ATG7: variants seen among roughly 807,000 people sequenced by gnomAD.
ATG7 encodes autophagy related 7, also known as ubiquitin-like modifier-activating enzyme ATG7.
In ATG7, 70 loss-of-function variants were observed where a neutral mutation model predicts 82.4. The observed-to-expected ratio is 0.85, with a 90% CI of 0.70 to 1.04. The LOEUF is 1.04. Ranked by LOEUF, ATG7 falls within the 50% of genes least tolerant of loss-of-function variation. The probability of loss-of-function intolerance (pLI) is 0.00; values close to 1 mark genes in which losing one functional copy is unlikely to be tolerated. For synonymous variants in ATG7, 287 were observed against 313.0 expected (o/e 0.92, Z 0.88); for missense variants, 792 against 864.3 (o/e 0.92, Z 1.05).
chr3:11,277,381 C>T (rs1942036708), intron 1 of ATG7: 1 of 152,318 alleles, frequency 6.6e-6, no homozygotes, highest in Non-Finnish European at 1.5e-5. Flanking sequence ...TGCTGCCATA[C>T]AGAACTCTAT....
At chr3:11,365,892 G>T (rs192175153) in intron 18 of ATG7, among the ~76,000 whole-genome samples, 47 of 152,176 alleles carry the variant, frequency 3.1e-4, no homozygotes, top group Admixed American at 2.6e-3. Flanking sequence ...GCTTCCTGTT[G>T]GTACCCCAGC....
At chr3:11,535,615 G>A (rs925580403) in intron 20 of ATG7, among the ~76,000 whole-genome samples, 3 of 150,972 alleles carry the variant, frequency 2.0e-5, no homozygotes, top group African/African-American at 7.4e-5. Flanking sequence ...TTCAGCAGTG[G>A]ACTTGACTGA....
intron 19 of ATG7, among the ~76,000 whole-genome samples, chr3:11,415,674 C>G (rs2081312629): frequency 6.6e-6 from 1 of 152,060 alleles, no homozygotes. Flanking sequence ...ACATCGTGAC[C>G]CACTGGAAGG....
At chr3:11,346,541 T>C (rs2152785101) in intron 13 of ATG7, 1 of 152,312 alleles carries the variant, frequency 6.6e-6, no homozygotes, top group South Asian at 2.1e-4. Flanking sequence ...CCATTTAAAC[T>C]GTGTAGCATT....
At chr3:11,283,425 C>T (rs1943407710) in intron 3 of ATG7, among the ~76,000 whole-genome samples, 1 of 152,138 alleles carries the variant, frequency 6.6e-6, no homozygotes, top group Non-Finnish European at 1.5e-5. Flanking sequence ...ATTTAGCCCT[C>T]CCAGCAAGTT....
chr3:11,519,802 C>G (rs2092395257), intron 20 of ATG7, among the ~76,000 whole-genome samples: 1 of 151,918 alleles, frequency 6.6e-6, no homozygotes. Context: ...ACCTTGTGAT[C>G]CGCCCACCTC....
intron 5 of ATG7, 130 bp downstream of exon 5, chr3:11,299,546 C>A: frequency 2.3e-6 from 2 of 867,658 alleles, no homozygotes; most frequent in Non-Finnish European, 3.7e-6. Flanking sequence ...GTCAGCCCCC[C>A]TCATGATTCT....
rs535310429 is a variant in ATG7 at position 11,474,469 on chromosome 3, G to A, written c.2079+47543G>A. ...ACAAAAATTAGCTGGGCATGGTGGT[G>A]TGCGCCTGTGGTCCCAGCTACTCTG... On this transcript the variant is annotated intron_variant, in intron 20 of 20. Transcript: ENST00000693202. Among the ~76,000 whole-genome samples the A allele has an allele frequency of 2.2e-4, 33 of 152,270 alleles. No homozygotes were observed. The South Asian group carries it at 2.9e-3, about 13-fold the overall frequency.
chr3:11,454,990 G>A (rs981557418), intron 20 of ATG7, among the ~76,000 whole-genome samples: 1 of 152,106 alleles, frequency 6.6e-6, no homozygotes, highest in African/African-American at 2.4e-5. Flanking sequence ...ATAACATATG[G>A]AAAGATAGCC....
At chr3:11,279,692 C>T (rs572271091) in intron 1 of ATG7, among the ~76,000 whole-genome samples, 10 of 151,972 alleles carry the variant, frequency 6.6e-5, no homozygotes, top group South Asian at 2.1e-4. Flanking sequence ...CTCAAGACTC[C>T]GTCTCAAAAA....
intron 6 of ATG7, among the ~76,000 whole-genome samples, chr3:11,307,578 T>G (rs970183410): frequency 2.0e-5 from 3 of 152,256 alleles, no homozygotes; most frequent in African/African-American, 7.2e-5. Flanking sequence ...CTCTTGCCCT[T>G]GCATTCTCTG....
At chr3:11,504,359 C>T (rs1241700340) in intron 20 of ATG7, among the ~76,000 whole-genome samples, 1 of 152,112 alleles carries the variant, frequency 6.6e-6, no homozygotes, top group Non-Finnish European at 1.5e-5. Flanking sequence ...ATCAGATAAA[C>T]AAAACATTTG....
At chr3:11,324,434 A>T (rs1950589336) in intron 9 of ATG7, among the ~76,000 whole-genome samples, 1 of 152,130 alleles carries the variant, frequency 6.6e-6, no homozygotes, top group African/African-American at 2.4e-5. Flanking sequence ...CTTAGTGTTA[A>T]ATGGATTTTG....
intron 20 of ATG7, among the ~76,000 whole-genome samples, chr3:11,449,974 C>G (rs2084949704): frequency 6.6e-6 from 1 of 152,228 alleles, no homozygotes; most frequent in African/African-American, 2.4e-5. Flanking sequence ...ATAAACTAGT[C>G]TCTCTGTACC....
intron 14 of ATG7, among the ~76,000 whole-genome samples, chr3:11,352,009 A>G (rs1214888490): frequency 1.3e-5 from 1 of 79,484 alleles, no homozygotes; most frequent in Non-Finnish European, 2.4e-5. Flanking sequence ...CCCTCCCTCC[A>G]CGCCACGACA....
intron 20 of ATG7, among the ~76,000 whole-genome samples, chr3:11,511,554 GGCTGCAGGTGGA>G (rs2092057029): frequency 6.6e-6 from 1 of 152,220 alleles, no homozygotes; most frequent in Non-Finnish European, 1.5e-5. Context: ...CCTGCACTGG[GGCTGCAGGTGGA>G]GCTGCCTGCC....
rs1400372539 is a variant in ATG7, at chr3:11,556,591, TC to T, written c.*1749del. 6.6e-6 allele frequency: 1 copy of T among 152,032 alleles called. No individual in the cohort carries two copies. The highest frequency in any genetic ancestry group is 2.4e-5 in the African/African-American group (1 of 41,184). The allele number at this position is 152,032 out of a possible 1,614,324, so 9.4% of individuals were successfully genotyped here. A position where few individuals can be genotyped will look rare whatever the true frequency, so the allele number is the denominator to read the frequency against. On this transcript the variant is annotated 3_prime_UTR_variant, in exon 21 of 21. Transcript: ENST00000693202. ...CTGTTCCTGCACTTTTACAGACAAA[TC>T]TACGACAAAAAAAAAGATCAACTTT...
At chr3:11,546,856 C>T (rs752816786) in intron 20 of ATG7, among the ~76,000 whole-genome samples, 7 of 152,252 alleles carry the variant, frequency 4.6e-5, no homozygotes, top group Non-Finnish European at 1.0e-4. Flanking sequence ...TCAGGTCAGG[C>T]TGACCAGAGG....
intron 9 of ATG7, among the ~76,000 whole-genome samples, chr3:11,318,399 A>G (rs1000825390): frequency 6.6e-6 from 1 of 152,238 alleles, no homozygotes; most frequent in African/African-American, 2.4e-5. Flanking sequence ...AGATAAGTTC[A>G]GAGAATTGAT....
Sources: allele counts gnomAD v4.1 joint callset (sites outside exome capture counted in the v4.1 genomes callset), GRCh38; gene constraint gnomAD v4.1.1; transcripts MANE v1.5; gene names NCBI Gene and HGNC (gene_info 2026-07-23, HGNC 2026-07-21).